The following TRPC7 variants were observed in gnomAD, a reference collection of about 807,000 sequenced individuals.
The protein encoded by TRPC7 is short transient receptor potential channel 7.
In TRPC7, 42 loss-of-function variants were observed where a neutral mutation model predicts 90.1. That is an observed-to-expected ratio of 0.47 (90% CI 0.36 to 0.60). TRPC7 has a LOEUF of 0.60. Ranked by LOEUF, TRPC7 falls within the 20% of genes least tolerant of loss-of-function variation. The pLI, the probability that TRPC7 is intolerant of heterozygous loss-of-function variation, is 0.00. For synonymous variants in TRPC7, 451 were observed against 436.3 expected, an observed-to-expected ratio of 1.03 and a Z score of -0.42; for missense variants, 955 against 1,112.3, an observed-to-expected ratio of 0.86 and a Z score of 2.01.
chr5:136,296,454 C>G (rs1268795606), intron 3 of TRPC7, among the ~76,000 whole-genome samples: 2 of 151,708 alleles, frequency 1.3e-5, no homozygotes, highest in African/African-American at 2.4e-5. Flanking sequence ...CAGGAAATAA[C>G]AGAAAAGAAG....
chr5:136,218,710 T>A (rs1470137008), intron 10 of TRPC7, among the ~76,000 whole-genome samples: 1 of 152,138 alleles, frequency 6.6e-6, no homozygotes, highest in African/African-American at 2.4e-5. Context: ...ATAGGTGAGA[T>A]CCTGCTCACA....
chr5:136,232,892 T>A (rs1755862734), intron 7 of TRPC7, among the ~76,000 whole-genome samples: 1 of 152,118 alleles, frequency 6.6e-6, no homozygotes, highest in African/African-American at 2.4e-5. Flanking sequence ...ACATTTCAGG[T>A]TTTCAACACT....
chr5:136,223,659 GA>G (rs997965669), intron 10 of TRPC7, among the ~76,000 whole-genome samples: 10 of 151,634 alleles, frequency 6.6e-5, no homozygotes, highest in African/African-American at 2.4e-4. Flanking sequence ...AAAAAGAAAA[GA>G]AAATGGTCTC....
chr5:136,332,538 C>A (rs1009129672), intron 2 of TRPC7, among the ~76,000 whole-genome samples: 1 of 152,084 alleles, frequency 6.6e-6, no homozygotes, highest in African/African-American at 2.4e-5. Flanking sequence ...TGCAATTACC[C>A]TGAGGAGAGA....
intron 3 of TRPC7, among the ~76,000 whole-genome samples, chr5:136,302,291 C>T (rs1394847724): frequency 6.6e-6 from 1 of 152,210 alleles, no homozygotes; most frequent in Non-Finnish European, 1.5e-5. Context: ...CGGCAAGTCC[C>T]ACTTTTCTGG....
At chr5:136,249,392 G>A (rs1466237251) in intron 6 of TRPC7, among the ~76,000 whole-genome samples, 1 of 152,034 alleles carries the variant, frequency 6.6e-6, no homozygotes, top group African/African-American at 2.4e-5. Context: ...TTCTCATCAA[G>A]GTCATACCTC....
intron 8 of TRPC7, among the ~76,000 whole-genome samples, chr5:136,229,779 A>G (rs1755758506): frequency 6.6e-6 from 1 of 152,212 alleles, no homozygotes; most frequent in Non-Finnish European, 1.5e-5. Context: ...TCTATATAAG[A>G]AGTATATAAA....
intron 2 of TRPC7, among the ~76,000 whole-genome samples, chr5:136,338,571 T>A (rs754211971): frequency 1.3e-5 from 2 of 152,226 alleles, no homozygotes; most frequent in Non-Finnish European, 2.9e-5. Flanking sequence ...TTCAGAGTGT[T>A]TATCCCTATA....
At chr5:136,328,463 G>A (rs1233201507) in intron 2 of TRPC7, among the ~76,000 whole-genome samples, 1 of 152,222 alleles carries the variant, frequency 6.6e-6, no homozygotes, top group Non-Finnish European at 1.5e-5. Flanking sequence ...GCTGTGCATT[G>A]GTGATCTTAG....
intron 2 of TRPC7, among the ~76,000 whole-genome samples, chr5:136,329,913 T>G (rs1293757178): frequency 6.6e-6 from 1 of 152,130 alleles, no homozygotes; most frequent in Non-Finnish European, 1.5e-5. Flanking sequence ...ATGAACTTAG[T>G]CTTGTCCCCA....
intron 2 of TRPC7, among the ~76,000 whole-genome samples, chr5:136,341,457 A>G (rs1447155639): frequency 9.2e-6 from 1 of 108,390 alleles, no homozygotes; most frequent in Admixed American, 1.1e-4. Flanking sequence ...TTACATACAC[A>G]TACATATACA....
chr5:136,284,475 A>T (rs1452256596), intron 3 of TRPC7, among the ~76,000 whole-genome samples: 1 of 152,228 alleles, frequency 6.6e-6, no homozygotes, highest in Non-Finnish European at 1.5e-5. Context: ...ATATTGTGAT[A>T]TATTTAAAGC....
chr5:136,213,319 T>C lies in TRPC7; in HGVS notation c.*116A>G, dbSNP rs970248711. On this transcript the variant is annotated 3_prime_UTR_variant, in exon 12 of 12. Transcript: ENST00000513104. Reference sequence around the variant, plus strand: ...TGCTGCAAGAGACTGAGCCAGGAGATCCCCTTCGTGTCCTAGAGGAGTGGG... The same window carrying C: ...TGCTGCAAGAGACTGAGCCAGGAGACCCCCTTCGTGTCCTAGAGGAGTGGG... 9.5e-5 allele frequency: 99 copies of C among 1,044,302 alleles called. No homozygotes were observed. The highest frequency in any genetic ancestry group is 8.2e-4 in the Admixed American group (32 of 38,964). The allele number at this position is 1,044,302 out of a possible 1,614,324, so 64.7% of individuals were successfully genotyped here.
intron 5 of TRPC7, among the ~76,000 whole-genome samples, 194 bp downstream of exon 5, chr5:136,266,026 A>G (rs1757015481): frequency 6.6e-6 from 1 of 152,326 alleles, no homozygotes; most frequent in Non-Finnish European, 1.5e-5. Context: ...ATTTCCTTTC[A>G]AAATTGGAAT....
At chr5:136,331,188 A>T (rs928664824) in intron 2 of TRPC7, among the ~76,000 whole-genome samples, 7 of 152,198 alleles carry the variant, frequency 4.6e-5, no homozygotes, top group African/African-American at 1.7e-4. Context: ...GAGCTGAAGC[A>T]CACATAACAG....
intron 2 of TRPC7, among the ~76,000 whole-genome samples, chr5:136,331,869 G>A (rs369561406): frequency 1.1e-4 from 16 of 152,284 alleles, no homozygotes; most frequent in African/African-American, 3.4e-4. Context: ...TGCCAAGGCT[G>A]TCCTAAATCT....
chr5:136,334,611 C>T (rs1379330318), intron 2 of TRPC7, among the ~76,000 whole-genome samples: 2 of 152,224 alleles, frequency 1.3e-5, no homozygotes, highest in Admixed American at 6.5e-5. Flanking sequence ...CACTCTTTCA[C>T]GCTCTGGGCT....
At chr5:136,246,490 T>C (rs565506352) in intron 7 of TRPC7, among the ~76,000 whole-genome samples, 1 of 152,314 alleles carries the variant, frequency 6.6e-6, no homozygotes, top group Non-Finnish European at 1.5e-5. Context: ...TATTCTGAGA[T>C]GTGGTCTTTC....
intron 2 of TRPC7, among the ~76,000 whole-genome samples, chr5:136,343,435 T>A (rs985384128): frequency 2.0e-5 from 3 of 152,126 alleles, no homozygotes; most frequent in Non-Finnish European, 4.4e-5. Flanking sequence ...AAATAGGAAA[T>A]AAGATCCTTA....
Sources: allele counts gnomAD v4.1 joint callset (sites outside exome capture counted in the v4.1 genomes callset), GRCh38; gene constraint gnomAD v4.1.1; transcripts MANE v1.5; gene names NCBI Gene and HGNC (gene_info 2026-07-23, HGNC 2026-07-21).